The following SFXN3 variants were observed in gnomAD, a reference collection of about 807,000 sequenced individuals.
SFXN3 encodes sideroflexin-3.
In SFXN3, 31 loss-of-function variants were observed where a neutral mutation model predicts 40.4. The ratio of observed to expected loss-of-function variants is 0.77; its 90% CI spans 0.58 to 1.04. The LOEUF is 1.04. Among genes scored for constraint, SFXN3 ranks in the 50% least tolerant of loss-of-function variants. The pLI, the probability that SFXN3 is intolerant of heterozygous loss-of-function variation, is 0.00. For missense variants in SFXN3, 366 were observed against 408.2 expected (o/e 0.90, Z 0.89); for synonymous variants, 157 against 160.0 (o/e 0.98, Z 0.14).
chr10:101,037,781 C>A, intron 9 of SFXN3: 7 of 1,209,360 alleles, frequency 5.8e-6, no homozygotes, highest in Non-Finnish European at 7.3e-6. Flanking sequence ...TGAACACGCA[C>A]ACACAGACAT....
rs1180955202 is a variant in SFXN3 at position 101,036,671 on chromosome 10, C to T, written c.508-52C>T. On this transcript the variant is annotated intron_variant, in intron 6 of 11. Transcript: ENST00000393459. The surrounding 1 kb of genome is among the most constrained non-coding windows in gnomAD (Gnocchi z 4.2). ...ATGCCCCCTATATCTCCCCAGAGTC[C>T]CTCACCACCCCATGGCCCTTAGGGC... 6.2e-7 allele frequency: 1 copy of T among 1,606,348 alleles called. No individual in the cohort carries two copies. Among genetic ancestry groups the T allele is most frequent in the African/African-American group, 1.3e-5 (1 of 74,774 alleles).
chr10:101,037,126 G>C (rs1704842098), exon 8 of SFXN3: 1 of 1,613,912 alleles, frequency 6.2e-7, no homozygotes, highest in Non-Finnish European at 8.5e-7. Context: ...CAGAGGCTTG[G>C]CTACTCGGTG....
chr10:101,032,220 C>G (rs1309064214), intron 1 of SFXN3, 94 bp from the exon 2 acceptor site: 1 of 470,170 alleles, frequency 2.1e-6, no homozygotes, highest in East Asian at 3.6e-5. Flanking sequence ...AGAACTGATC[C>G]CCGAGGTGGG....
rs143035108 is a variant in SFXN3 at position 101,035,752 on chromosome 10, G to T, written c.332+85G>T. On this transcript the variant is annotated intron_variant, in intron 4 of 11. Transcript: ENST00000393459. ...GTGCGCTTCTTGTCTGGGCCAACTG[G>T]GTGAGTGAAAGATTGTGTCAGAATC... The T allele has an allele frequency of 4.9e-4, 740 of 1,512,192 alleles. 4 individuals are homozygous for T. The East Asian group carries it at 0.014, about 28-fold the overall frequency. 93.7% of individuals were successfully genotyped at this position (1,512,192 alleles called of 1,614,324 possible).
At chr10:101,035,596 C>A (rs1473884322) in exon 4 of SFXN3, 1 of 1,613,998 alleles carries the variant, frequency 6.2e-7, no homozygotes, top group African/African-American at 1.3e-5. Context: ...AGAAGGTGGT[C>A]CTGATTGGCC....
chr10:101,039,247 G>T lies in SFXN3; in HGVS notation c.869+25G>T, dbSNP rs1224776679. ...GGTAAGTGCTGTCCCTGGGCTGGGT[G>T]GGGGACTCTGGATTGGACTCTGCAT... On this transcript the variant is annotated intron_variant, in intron 11 of 11. Transcript: ENST00000393459. The surrounding 1 kb of genome is among the most constrained non-coding windows in gnomAD (Gnocchi z 4.6). 6.3e-7 allele frequency: 1 copy of T among 1,591,922 alleles called. No homozygotes were observed. The highest frequency in any genetic ancestry group is 1.7e-4 in the Middle Eastern group (1 of 5,958).
rs552734042 is a variant in SFXN3 at position 101,034,814 on chromosome 10, G to C, written c.120G>C (p.Gly40=). The change falls in exon 3 of 12, where the codon GGG becomes GGC. Residue 40 remains glycine (G), a synonymous_variant. Transcript: ENST00000393459. The stretch of plus-strand genomic sequence containing the variant: ...ATCCTCGAAATCTGCTGCTGTCCGG[G>C]GCACAGCTGGAAGCTTCTCGGAACA... 8 of 1,614,114 alleles carry C rather than the reference G, an allele frequency of 5.0e-6. No homozygotes were observed. In the Admixed American group the frequency reaches 1.2e-4, roughly 24 times the overall value.
chr10:101,036,072 C>A lies in SFXN3; in HGVS notation c.402C>A (p.Asn134Lys), dbSNP rs1463544679. Reference sequence around the variant, plus strand: ...TCAATGCCATTGTTAACTACTCCAACCGCAGTGGTGACACTCCCATCACTG... The same window carrying A: ...TCAATGCCATTGTTAACTACTCCAAACGCAGTGGTGACACTCCCATCACTG... The change falls in exon 5 of 12, where the codon AAC (asparagine) becomes AAA (lysine). Residue 134 changes from asparagine to lysine, a missense_variant. Physicochemically the swap from Asn to Lys is moderately conservative, Grantham distance 94 (BLOSUM62 0). Transcript: ENST00000393459. This position sits in a 1 kb window ranked among gnomAD's most constrained non-coding sequence, Gnocchi z 4.2. 6.2e-7 allele frequency: 1 copy of A among 1,614,026 alleles called. No individual in the cohort carries two copies. Among genetic ancestry groups the A allele is most frequent in the East Asian group, 2.2e-5 (1 of 44,886 alleles).
At position 101,036,949 on chromosome 10, in the gene SFXN3, C is replaced by T. The variant is rs562175881; in HGVS notation, c.594-127C>T. On this transcript the variant is annotated intron_variant, in intron 7 of 11. Coordinates refer to ENST00000393459, the Ensembl canonical transcript of SFXN3. This position sits in a 1 kb window ranked among gnomAD's most constrained non-coding sequence, Gnocchi z 4.2. The stretch of plus-strand genomic sequence containing the variant: ...CCCTGGCTCAGTCTGACCCTGGGAT[C>T]CTCAGGTGGGAGAACCAGCCTTTGA... The T allele has an allele frequency of 9.9e-6, 15 of 1,520,608 alleles. No homozygotes were observed. In the East Asian group the frequency reaches 3.1e-4, roughly 31 times the overall value. The allele number at this position is 1,520,608 out of a possible 1,614,324, so 94.2% of individuals were successfully genotyped here. A position where few individuals can be genotyped will look rare whatever the true frequency, so the allele number is the denominator to read the frequency against.
At chr10:101,037,813 C>T (rs1034098492) in intron 9 of SFXN3, 2 of 1,120,746 alleles carry the variant, frequency 1.8e-6, no homozygotes, top group Non-Finnish European at 1.1e-6. Context: ...GAAAGCAAAG[C>T]ACAGGAACAA....
intron 1 of SFXN3, 176 bp from the exon 2 acceptor site, chr10:101,032,138 C>T (rs779988856): frequency 9.7e-6 from 3 of 308,366 alleles, no homozygotes; most frequent in Non-Finnish European, 1.2e-5. Flanking sequence ...CTGAGGCCCG[C>T]CAGGGGACTG....
chr10:101,037,409 T>C, exon 9 of SFXN3: 1 of 1,614,146 alleles, frequency 6.2e-7, no homozygotes, highest in Non-Finnish European at 8.5e-7. Flanking sequence ...ATGGACACTC[T>C]GGAGAAGAAA....
rs546745953 is a variant in SFXN3 at position 101,037,952 on chromosome 10, C to T, written c.771+521C>T. 8.0e-5 allele frequency: 54 copies of T among 675,860 alleles called. No individual in the cohort carries two copies. In the East Asian group the frequency reaches 6.2e-3, roughly 78 times the overall value. The allele number at this position is 675,860 out of a possible 1,614,324, so 41.9% of individuals were successfully genotyped here. A position where few individuals can be genotyped will look rare whatever the true frequency, so the allele number is the denominator to read the frequency against. The stretch of plus-strand genomic sequence containing the variant: ...CCCCTGTCCTCATGAAGTTTATAGT[C>T]TGATGCAGAAACCAATAAACAAGGA... On this transcript the variant is annotated intron_variant, in intron 9 of 11. Coordinates refer to ENST00000393459, the Ensembl canonical transcript of SFXN3.
chr10:101,036,785 C>T lies in SFXN3; in HGVS notation c.570C>T (p.Ile190=), dbSNP rs144241468. Reference sequence around the variant, plus strand: ...CAGCAGTGGCAGCTGCCAACTGCATCAACATCCCCCTGATGAGGCAGAGGT... The same window carrying T: ...CAGCAGTGGCAGCTGCCAACTGCATTAACATCCCCCTGATGAGGCAGAGGT... Residue 190 remains isoleucine, a synonymous_variant, in exon 7 of 12, where the codon ATC becomes ATT. Transcript: ENST00000393459. The surrounding 1 kb of genome is among the most constrained non-coding windows in gnomAD (Gnocchi z 4.2). 5.0e-6 allele frequency: 8 copies of T among 1,613,900 alleles called. No individual in the cohort carries two copies. The highest frequency in any genetic ancestry group is 5.9e-6 in the Non-Finnish European group (7 of 1,179,768).
Position 101,039,096 on chromosome 10 carries a change from C to A in SFXN3, c.822-79C>A. ...AATCTCCACCCCTAGGGCCTATCTC[C>A]AAGGATGGGGTGGGGTGCAGGGAGG... On this transcript the variant is annotated intron_variant, in intron 10 of 11. Transcript: ENST00000393459. The surrounding 1 kb of genome is among the most constrained non-coding windows in gnomAD (Gnocchi z 4.6). 1 of 1,289,662 alleles carries A rather than the reference C, an allele frequency of 7.8e-7. No homozygotes were observed. Among genetic ancestry groups the A allele is most frequent in the Non-Finnish European group, 1.1e-6 (1 of 888,902 alleles). The allele number at this position is 1,289,662 out of a possible 1,614,324, so 79.9% of individuals were successfully genotyped here.
Position 101,039,033 on chromosome 10 carries a change from G to A in SFXN3, c.822-142G>A. ...TTCCTCAGAACCTGATGTCCAGGTT[G>A]GGTTTACTATTCCTAAAAGGTCCTT... On this transcript the variant is annotated intron_variant, in intron 10 of 11. Transcript: ENST00000393459. This position sits in a 1 kb window ranked among gnomAD's most constrained non-coding sequence, Gnocchi z 4.6. 1 of 723,656 alleles carries A rather than the reference G, an allele frequency of 1.4e-6. No homozygotes were observed. The highest frequency in any genetic ancestry group is 1.8e-5 in the South Asian group (1 of 55,458). The allele number at this position is 723,656 out of a possible 1,614,324, so 44.8% of individuals were successfully genotyped here.
At chr10:101,032,083 T>G in intron 1 of SFXN3, 1 of 211,860 alleles carries the variant, frequency 4.7e-6, no homozygotes, top group East Asian at 9.8e-5. Flanking sequence ...GCCCGGGGCT[T>G]TCTCTCTGGG....
At chr10:101,037,741 A>T in intron 9 of SFXN3, 1 of 1,321,086 alleles carries the variant, frequency 7.6e-7, no homozygotes, top group Non-Finnish European at 9.7e-7. Context: ...TTTACCCCCT[A>T]GTGCCTCCAT....
rs755701234 is a variant in SFXN3 at position 101,039,465 on chromosome 10, C to T, written c.870-24C>T. 17 of 1,608,212 alleles carry T rather than the reference C, an allele frequency of 1.1e-5. No homozygotes were observed. Among genetic ancestry groups the T allele is most frequent in the Middle Eastern group, 1.6e-4 (1 of 6,070 alleles). On this transcript the variant is annotated intron_variant, in intron 11 of 11. Coordinates refer to ENST00000393459, the Ensembl canonical transcript of SFXN3. The surrounding 1 kb of genome is among the most constrained non-coding windows in gnomAD (Gnocchi z 4.6). ...TGGGGTTGGATTCAGGGGACGTTAA[C>T]TGGCCTGTGCTGTTCTATTGCAGCT...
Sources: allele counts gnomAD v4.1 joint callset, GRCh38; gene constraint gnomAD v4.1.1; non-coding constraint Gnocchi (gnomAD v3.1); transcripts MANE v1.5; gene names NCBI Gene and HGNC (gene_info 2026-07-23, HGNC 2026-07-21).